SEC23IP: variants seen among roughly 807,000 people sequenced by gnomAD.
The protein encoded by SEC23IP is SEC23 interacting protein.
A neutral mutation model predicts 113.4 loss-of-function variants in SEC23IP; 70 were observed. The observed-to-expected ratio is 0.62, with a 90% CI of 0.51 to 0.75. The LOEUF (loss-of-function observed/expected upper bound fraction) is 0.75, where lower values mean the gene tolerates loss of function less well. Ranked by LOEUF, SEC23IP falls within the 30% of genes least tolerant of loss-of-function variation. The pLI is 0.00. For missense variants in SEC23IP, 1,160 were observed against 1,204.9 expected (o/e 0.96, Z 0.55); for synonymous variants, 398 against 421.0 (o/e 0.95, Z 0.67).
Position 119,943,057 on chromosome 10 carries a change from T to A in SEC23IP, c.*2492T>A, listed in dbSNP as rs1417006850. 6.6e-6 allele frequency: 1 copy of A among 152,166 alleles called. No individual in the cohort carries two copies. Among genetic ancestry groups the A allele is most frequent in the African/African-American group, 2.4e-5 (1 of 41,452 alleles). 9.4% of individuals were successfully genotyped at this position (152,166 alleles called of 1,614,324 possible). ...ATTATCCCAGAAAACCTAGGATGAT[T>A]GGTATTTATAGTACCATTGTTTCAG... is the stretch of plus-strand genomic sequence containing the variant. On this transcript the variant is annotated 3_prime_UTR_variant, in exon 19 of 19. Transcript: ENST00000369075.
chr10:119,906,312 TA>T (rs1854663797), intron 4 of SEC23IP, among the ~76,000 whole-genome samples: 2 of 146,440 alleles, frequency 1.4e-5, no homozygotes, highest in Admixed American at 6.9e-5. Flanking sequence ...GAAACGGAGC[TA>T]AACATTATGT....
chr10:119,920,763 A>G (rs1389394131), intron 11 of SEC23IP, 126 bp from the exon 12 acceptor site: 1 of 572,730 alleles, frequency 1.7e-6, no homozygotes. Flanking sequence ...AAAATAACTA[A>G]CTTGTAAAAA....
In SEC23IP at chr10:119,918,516, G is replaced by A. The variant is rs368038226; in HGVS notation, c.1872+5G>A. 14 of 1,520,874 alleles carry A rather than the reference G, an allele frequency of 9.2e-6. No individual in the cohort carries two copies. Among genetic ancestry groups the A allele is most frequent in the African/African-American group, 4.1e-5 (3 of 73,134 alleles). The allele number at this position is 1,520,874 out of a possible 1,614,324, so 94.2% of individuals were successfully genotyped here. A position where few individuals can be genotyped will look rare whatever the true frequency, so the allele number is the denominator to read the frequency against. Reference sequence around the variant, plus strand: ...CTACATTTTCAGGAAAAGCAGGTACGTCTGTACGTGGCCAATTAACATTTC... The same window carrying A: ...CTACATTTTCAGGAAAAGCAGGTACATCTGTACGTGGCCAATTAACATTTC... On this transcript the variant is annotated splice_donor_5th_base_variant and intron_variant, in intron 10 of 18. Transcript: ENST00000369075.
intron 1 of SEC23IP, among the ~76,000 whole-genome samples, chr10:119,894,921 T>A (rs1003365244): frequency 6.6e-6 from 1 of 151,906 alleles, no homozygotes; most frequent in African/African-American, 2.4e-5. Context: ...TGTGTGTGTG[T>A]GTGTGTGTGT....
At chr10:119,921,215 G>C (rs193188803) in intron 12 of SEC23IP, among the ~76,000 whole-genome samples, 36 of 152,234 alleles carry the variant, frequency 2.4e-4, no homozygotes, top group Non-Finnish European at 1.5e-5. Context: ...TAGGATGAAG[G>C]GCTTTCAGTT....
intron 5 of SEC23IP, among the ~76,000 whole-genome samples, chr10:119,911,051 T>TTA (rs1854845463): frequency 6.6e-6 from 1 of 151,064 alleles, no homozygotes; most frequent in African/African-American, 2.4e-5. Flanking sequence ...TTTTTTTTTT[T>TTA]AAAGAAAATT....
intron 18 of SEC23IP, among the ~76,000 whole-genome samples, chr10:119,936,627 A>G (rs777077862): frequency 6.6e-6 from 1 of 150,922 alleles, no homozygotes; most frequent in Non-Finnish European, 1.5e-5. Context: ...TTTCATATTT[A>G]CCATCAGTAT....
At chr10:119,937,637 CAAAA>C (rs1307239642) in intron 18 of SEC23IP, among the ~76,000 whole-genome samples, 1 of 150,164 alleles carries the variant, frequency 6.7e-6, no homozygotes, top group Non-Finnish European at 1.5e-5. Flanking sequence ...AAAAAAAAAA[CAAAA>C]AAACAAAAAA....
intron 15 of SEC23IP, among the ~76,000 whole-genome samples, chr10:119,931,271 CAAAA>C (rs71019733): frequency 7.5e-5 from 7 of 93,480 alleles, no homozygotes; most frequent in Admixed American, 2.4e-4. Flanking sequence ...GACTCCGTCT[CAAAA>C]AAAAAAAAAA....
chr10:119,920,937 C>T lies in SEC23IP; in HGVS notation c.2074C>T (p.Pro692Ser), dbSNP rs751007416. 8.7e-6 allele frequency: 14 copies of T among 1,613,558 alleles called. No individual in the cohort carries two copies. The highest frequency in any genetic ancestry group is 1.2e-5 in the Non-Finnish European group (14 of 1,179,724). ...GAAGGAAATGGGGATACCCCTTGGACCCAGAAAGAAGATAGCTAACTTTGT... is the reference window on the plus strand; with the variant it reads ...GAAGGAAATGGGGATACCCCTTGGATCCAGAAAGAAGATAGCTAACTTTGT... ...DLKEMGIPLG[P>S]RKKIANFVEH... The change falls in exon 12 of 19, where the codon CCC becomes TCC. Residue 692 changes from proline (P) to serine (S), a missense_variant. Pro to Ser is a moderately conservative substitution (Grantham distance 74). Transcript: ENST00000369075.
chr10:119,930,052 G>A (rs1232940916), intron 14 of SEC23IP, among the ~76,000 whole-genome samples: 1 of 152,136 alleles, frequency 6.6e-6, no homozygotes, highest in African/African-American at 2.4e-5. Context: ...GATTTTATAA[G>A]GTTCAGCTTT....
intron 12 of SEC23IP, among the ~76,000 whole-genome samples, chr10:119,923,313 A>G (rs1855309968): frequency 6.6e-6 from 1 of 152,030 alleles, no homozygotes; most frequent in Non-Finnish European, 1.5e-5. Flanking sequence ...CACTTCTTAC[A>G]GATAACAAGG....
At chr10:119,900,949 T>G (rs1338077085) in intron 2 of SEC23IP, among the ~76,000 whole-genome samples, 3 of 151,996 alleles carry the variant, frequency 2.0e-5, no homozygotes, top group African/African-American at 7.2e-5. Flanking sequence ...AATCTATTTT[T>G]TTTTTGTGTG....
chr10:119,893,051 A>G, intron 1 of SEC23IP, 106 bp downstream of exon 1: 1 of 1,262,282 alleles, frequency 7.9e-7, no homozygotes, highest in Non-Finnish European at 1.1e-6. Flanking sequence ...TACCCTCTGG[A>G]TAGCTTGCCA....
At chr10:119,918,202 A>G (rs910518435) in intron 9 of SEC23IP, among the ~76,000 whole-genome samples, 158 bp downstream of exon 9, 3 of 152,214 alleles carry the variant, frequency 2.0e-5, no homozygotes, top group African/African-American at 7.2e-5. Context: ...TGCCTTTTCT[A>G]TATTCACCTC....
At position 119,942,858 on chromosome 10, in the gene SEC23IP, A is replaced by T. The variant is rs1249840358; in HGVS notation, c.*2293A>T. On this transcript the variant is annotated 3_prime_UTR_variant, in exon 19 of 19. Coordinates refer to ENST00000369075, the MANE Select transcript of SEC23IP (RefSeq NM_007190.4). ...TGTTTTCTCAAAACCACAGTATAAG[A>T]CAAGGAAACTGCACAGATTCGAGTG... 1 of 152,230 alleles carries T rather than the reference A, an allele frequency of 6.6e-6. No individual in the cohort carries two copies. Among genetic ancestry groups the T allele is most frequent in the East Asian group, 1.9e-4 (1 of 5,186 alleles). 9.4% of individuals were successfully genotyped at this position (152,230 alleles called of 1,614,324 possible). A position where few individuals can be genotyped will look rare whatever the true frequency, so the allele number is the denominator to read the frequency against.
chr10:119,892,871 A>T lies in SEC23IP; in HGVS notation c.89A>T (p.Glu30Val). 6.2e-7 allele frequency: 1 copy of T among 1,613,964 alleles called. No homozygotes were observed. The highest frequency in any genetic ancestry group is 8.5e-7 in the Non-Finnish European group (1 of 1,179,966). ...TTACTTTTCTCCTCCTCGGCCACGGAGTTCAGCTTCAATGTGCCCTTCATC... is the reference window on the plus strand; with the variant it reads ...TTACTTTTCTCCTCCTCGGCCACGGTGTTCAGCTTCAATGTGCCCTTCATC... ...TNLLFSSSAT[E>V]FSFNVPFIPV... The change falls in exon 1 of 19, where the codon GAG becomes GTG. Residue 30 changes from glutamate to valine, a missense_variant. By Grantham distance (121) the Glu-to-Val change is moderately radical. Transcript: ENST00000369075.
intron 6 of SEC23IP, among the ~76,000 whole-genome samples, chr10:119,913,787 C>T (rs193038559): frequency 5.1e-4 from 78 of 152,082 alleles, no homozygotes; most frequent in African/African-American, 1.8e-3. Context: ...CCACCACACC[C>T]GGCCCACAAA....
At position 119,920,893 on chromosome 10, in the gene SEC23IP, T is replaced by A. The variant is rs759359968; in HGVS notation, c.2030T>A (p.Met677Lys). ...KEKIDMESLL[M>K]CTVDDLKEMG... The stretch of plus-strand genomic sequence containing the variant: ...CTTGTCTGTTTCCTTTTAAAGCTTA[T>A]GTGTACAGTTGATGACCTGAAGGAA... The change falls in exon 12 of 19, where the codon ATG (methionine) becomes AAG (lysine). Residue 677 changes from methionine (M) to lysine (K), a missense_variant. By Grantham distance (95) the Met-to-Lys change is moderately conservative. Coordinates refer to ENST00000369075, the MANE Select transcript of SEC23IP (RefSeq NM_007190.4). The A allele has an allele frequency of 1.4e-5, 22 of 1,603,392 alleles. No individual in the cohort carries two copies. The highest frequency in any genetic ancestry group is 1.9e-5 in the Non-Finnish European group (22 of 1,170,794).
Sources: allele counts gnomAD v4.1 joint callset (sites outside exome capture counted in the v4.1 genomes callset), GRCh38; gene constraint gnomAD v4.1.1; transcripts MANE v1.5; gene names NCBI Gene and HGNC (gene_info 2026-07-23, HGNC 2026-07-21).